Variants in FCGR2B observed in about 807,000 individuals in gnomAD.
FCGR2B encodes Fc gamma receptor IIb.
FCGR2B carries 18 observed loss-of-function variants against 24.8 expected under a neutral mutation model. That is an observed-to-expected ratio of 0.73 (90% CI 0.50 to 1.08). The LOEUF is 1.08. Ranked by LOEUF, FCGR2B falls within the 50% of genes least tolerant of loss-of-function variation. FCGR2B has a pLI of 0.00. For missense variants in FCGR2B, 215 were observed against 297.6 expected (o/e 0.72, Z 2.04); for synonymous variants, 79 against 109.8 (o/e 0.72, Z 1.75).
chr1:161,676,207 A>T (rs1682117867), intron 6 of FCGR2B: 1 of 223,996 alleles, frequency 4.5e-6, no homozygotes, highest in Non-Finnish European at 8.9e-6. Flanking sequence ...ACAGGCAGAA[A>T]AAAGAGGCTG....
chr1:161,661,259 A>AAAGAAAGG (rs1681069548), upstream of FCGR2B, among the ~76,000 whole-genome samples: 1 of 32,698 alleles, frequency 3.1e-5, no homozygotes, highest in East Asian at 5.2e-4. Context: ...AGAAAGAAAG[A>AAAGAAAGG]AAGGAAGGAA....
At chr1:161,656,204 G>T in the FCGR2B span, among the ~76,000 whole-genome samples, 1 of 146,394 alleles carries the variant, frequency 6.8e-6, no homozygotes, top group Non-Finnish European at 1.5e-5. Context: ...GTGAAGCACA[G>T]GATAGGTTTG....
chr1:161,671,354 T>C, intron 2 of FCGR2B, 38 bp from the exon 3 acceptor site: 1 of 1,614,078 alleles, frequency 6.2e-7, no homozygotes, highest in Admixed American at 1.7e-5. Flanking sequence ...CTCCTGGGCT[T>C]CCTCTTCTTC....
chr1:161,652,287 T>C, the FCGR2B span, among the ~76,000 whole-genome samples: 17 of 134,122 alleles, frequency 1.3e-4, 5 homozygotes, highest in Non-Finnish European at 2.9e-4. Flanking sequence ...TGTTCTATTT[T>C]CTTTTTTTTT....
At chr1:161,673,559 A>T (rs780740144) in intron 4 of FCGR2B, 1 of 710,886 alleles carries the variant, frequency 1.4e-6, no homozygotes, top group Non-Finnish European at 2.6e-6. Context: ...GTTTGCCTTT[A>T]TTCTTCTCAT....
the FCGR2B span, among the ~76,000 whole-genome samples, chr1:161,656,308 C>A: frequency 3.5e-5 from 5 of 143,682 alleles, 1 homozygote; most frequent in South Asian, 1.2e-3. Flanking sequence ...CTCATTTCTT[C>A]ATTTCTTCCT....
In FCGR2B at chr1:161,677,471, T is replaced by C. The variant is rs1682248265; in HGVS notation, c.856-5T>C. 2 of 1,613,688 alleles carry C rather than the reference T, an allele frequency of 1.2e-6. No individual in the cohort carries two copies. The highest frequency in any genetic ancestry group is 2.7e-5 in the African/African-American group (2 of 74,930). On this transcript the variant is annotated splice_polypyrimidine_tract_variant and splice_region_variant and intron_variant, in intron 7 of 7. Coordinates refer to ENST00000358671, the MANE Select transcript of FCGR2B (RefSeq NM_001394477.1). Reference sequence around the variant, plus strand: ...ATCCTTACTGCTGGTTTCTGCCTTCTCTAGGCTGAGAACACAATCACCTAT... The same window carrying C: ...ATCCTTACTGCTGGTTTCTGCCTTCCCTAGGCTGAGAACACAATCACCTAT...
At chr1:161,652,045 A>AGTGTGTGTGTGTGTGT in the FCGR2B span, among the ~76,000 whole-genome samples, 5 of 104,580 alleles carry the variant, frequency 4.8e-5, no homozygotes, top group South Asian at 3.8e-4. Context: ...TATGTTTAGG[A>AGTGTGTGTGTGTGTGT]GTGTGTGTGT....
At chr1:161,672,855 T>G (rs1681790996) in intron 3 of FCGR2B, 120 bp from the exon 4 acceptor site, 1 of 1,436,852 alleles carries the variant, frequency 7.0e-7, no homozygotes, top group South Asian at 1.4e-5. Flanking sequence ...AGTCCAGGAC[T>G]GTCTGATTTC....
chr1:161,671,479 C>T lies in FCGR2B; in HGVS notation c.221C>T (p.Thr74Ile). 1 of 1,614,228 alleles carries T rather than the reference C, an allele frequency of 6.2e-7. No individual in the cohort carries two copies. The highest frequency in any genetic ancestry group is 8.5e-7 in the Non-Finnish European group (1 of 1,180,052). The change falls in exon 3 of 8, where the codon ACT becomes ATT. Residue 74 changes from threonine (T) to isoleucine (I), a missense_variant. This residue lies in a region of FCGR2B where 77 missense variants were observed against 68.8 expected (regional missense o/e 1.12). Coordinates refer to ENST00000358671, the MANE Select transcript of FCGR2B (RefSeq NM_001394477.1). ...TCTGTGACTCTGACATGCCGGGGGA[C>T]TCACAGCCCTGAGAGCGACTCCATT... ...EDSVTLTCRGTHSPESDSIQW... is the reference protein window; with the variant it reads ...EDSVTLTCRGIHSPESDSIQW...
rs749331337 is a variant in FCGR2B, at chr1:161,677,401, C to T, written c.855+36C>T. 13 of 1,612,208 alleles carry T rather than the reference C, an allele frequency of 8.1e-6. No individual in the cohort carries two copies. In the African/African-American group the frequency reaches 1.1e-4, roughly 13 times the overall value. ...CCAGCCATCTCCCCCTCCCTTCTCC[C>T]CTGTTGCCTTTTCTGTTGCCTTCTT... On this transcript the variant is annotated intron_variant, in intron 7 of 7. Transcript: ENST00000358671.
intron 6 of FCGR2B, 50 bp from the exon 7 acceptor site, chr1:161,677,278 G>T: frequency 6.3e-7 from 1 of 1,585,890 alleles, no homozygotes; most frequent in Non-Finnish European, 8.7e-7. Flanking sequence ...GCACAGGCAG[G>T]CCCTCTTCTC....
At position 161,677,316 on chromosome 1, in the gene FCGR2B, T is replaced by C. The variant is rs2102682486; in HGVS notation, c.818-12T>C. On this transcript the variant is annotated splice_polypyrimidine_tract_variant and intron_variant, in intron 6 of 7. Transcript: ENST00000358671. Reference sequence around the variant, plus strand: ...GCAGTGCTCTGGCTGATATTTCTTCTTTTTCCCACAGCCAATCCCACTAAT... The same window carrying C: ...GCAGTGCTCTGGCTGATATTTCTTCCTTTTCCCACAGCCAATCCCACTAAT... The C allele has an allele frequency of 1.2e-6, 2 of 1,613,688 alleles. No homozygotes were observed. The highest frequency in any genetic ancestry group is 2.2e-5 in the South Asian group (2 of 91,040).
At chr1:161,649,710 G>A in the FCGR2B span, among the ~76,000 whole-genome samples, 7 of 149,728 alleles carry the variant, frequency 4.7e-5, no homozygotes, top group South Asian at 2.1e-4. Context: ...CTTGCACTTC[G>A]CAGCTTCTAG....
At chr1:161,650,483 G>GATA in the FCGR2B span, among the ~76,000 whole-genome samples, 8 of 145,758 alleles carry the variant, frequency 5.5e-5, no homozygotes. Context: ...CAGGGGGCCA[G>GATA]ATAATTCTTT....
At chr1:161,661,189 GGAAAGAAAGAAAGAAAGAAA>G (rs201423251), upstream of FCGR2B, among the ~76,000 whole-genome samples, 1,138 of 70,158 alleles carry the variant, frequency 0.016, 38 homozygotes, top group African/African-American at 0.033. Flanking sequence ...AAGGAAGAAA[GGAAAGAAAGAAAGAAAGAAA>G]GAAAGAAAGA....
intron 3 of FCGR2B, 49 bp downstream of exon 3, chr1:161,671,698 G>T: frequency 6.2e-7 from 1 of 1,608,522 alleles, no homozygotes; most frequent in Non-Finnish European, 8.5e-7. Context: ...CAGGACGGAT[G>T]AAATCTGCTT....
chr1:161,677,536 G>A lies in FCGR2B; in HGVS notation c.916G>A (p.Asp306Asn), dbSNP rs1184181695. The A allele has an allele frequency of 6.2e-7, 1 of 1,612,674 alleles. No individual in the cohort carries two copies. Among genetic ancestry groups the A allele is most frequent in the Non-Finnish European group, 8.5e-7 (1 of 1,178,912 alleles). ...MHPDALEEPD[D>N]QNRI Reference sequence around the variant, plus strand: ...CCCGGATGCTCTGGAAGAGCCTGATGACCAGAACCGTATTTAGTCTCCATT... The same window carrying A: ...CCCGGATGCTCTGGAAGAGCCTGATAACCAGAACCGTATTTAGTCTCCATT... The change falls in exon 8 of 8, where the codon GAC (aspartate) becomes AAC (asparagine). Residue 306 changes from aspartate (D) to asparagine (N), a missense_variant. Around this residue, in one of 5 missense-constraint regions of FCGR2B, gnomAD observed 81 missense variants for 81.6 expected, o/e 0.99. Transcript: ENST00000358671.
chr1:161,647,439 TACAGGC>T, the FCGR2B span, among the ~76,000 whole-genome samples: 1 of 150,272 alleles, frequency 6.7e-6, no homozygotes. Context: ...TAGCTGGGAC[TACAGGC>T]ACCCACCAGC....
Sources: gnomAD v4.1 joint callset for allele counts (sites outside exome capture counted in the v4.1 genomes callset) on GRCh38, gnomAD v4.1.1 for gene constraint, gnomAD v4.1.1 regional missense constraint, MANE v1.5 for transcripts, NCBI Gene and HGNC (gene_info 2026-07-23, HGNC 2026-07-21) for gene names.